The following LRRC69 variants were observed in gnomAD, a reference collection of about 807,000 sequenced individuals.
The protein encoded by LRRC69 is leucine-rich repeat-containing protein 69.
A neutral mutation model predicts 37.8 loss-of-function variants in LRRC69; 42 were observed. That is an observed-to-expected ratio of 1.11 (90% CI 0.87 to 1.44). The LOEUF (loss-of-function observed/expected upper bound fraction) is 1.44, where lower values mean the gene tolerates loss of function less well. Among genes scored for constraint, LRRC69 ranks in the 40% most tolerant of loss-of-function variants. The pLI is 0.00. For synonymous variants in LRRC69, 141 were observed against 143.1 expected (o/e 0.99, Z 0.11); for missense variants, 357 against 401.9 (o/e 0.89, Z 0.96).
chr8:91,141,848 C>A (rs1480884426), intron 5 of LRRC69, among the ~76,000 whole-genome samples: 1 of 151,810 alleles, frequency 6.6e-6, no homozygotes, highest in Non-Finnish European at 1.5e-5. Flanking sequence ...GGAAAGTGAC[C>A]TGTTGCCTTC....
chr8:91,113,823 A>G (rs929789719), intron 1 of LRRC69, among the ~76,000 whole-genome samples: 2 of 151,764 alleles, frequency 1.3e-5, no homozygotes, highest in African/African-American at 4.8e-5. Flanking sequence ...TGTGGTTAAA[A>G]TACAAAATAT....
chr8:91,155,115 C>A (rs572560241), intron 5 of LRRC69, among the ~76,000 whole-genome samples: 1 of 151,336 alleles, frequency 6.6e-6, no homozygotes, highest in East Asian at 1.9e-4. Context: ...GAATGAACTT[C>A]CATTCACAAT....
chr8:91,118,747 C>G (rs191207305), intron 1 of LRRC69, among the ~76,000 whole-genome samples: 2 of 152,184 alleles, frequency 1.3e-5, no homozygotes, highest in African/African-American at 4.8e-5. Context: ...AAATAGTTGT[C>G]TGTCATATGA....
chr8:91,120,946 G>A (rs532316925), intron 1 of LRRC69, among the ~76,000 whole-genome samples: 1 of 151,870 alleles, frequency 6.6e-6, no homozygotes, highest in East Asian at 1.9e-4. Flanking sequence ...GATCTAAAAG[G>A]CTTCTTAATT....
rs550250251 is a variant in LRRC69 at position 91,138,923 on chromosome 8, G to A, written c.651+3184G>A. On this transcript the variant is annotated intron_variant, in intron 5 of 7. Coordinates refer to ENST00000448384, the Ensembl canonical transcript of LRRC69. ...AAACAAACCACCAAAAAAATTAGCT[G>A]GGTTTAGTGGTACACCCTGTGGTCC... The A allele has an allele frequency of 5.9e-5, 9 of 151,786 alleles. No homozygotes were observed. In the East Asian group the frequency reaches 1.7e-3, roughly 30 times the overall value. 9.4% of individuals were successfully genotyped at this position (151,786 alleles called of 1,614,324 possible). A position where few individuals can be genotyped will look rare whatever the true frequency, so the allele number is the denominator to read the frequency against.
chr8:91,147,470 A>G (rs756679293), intron 5 of LRRC69, among the ~76,000 whole-genome samples: 6 of 151,010 alleles, frequency 4.0e-5, no homozygotes, highest in African/African-American at 1.5e-4. Context: ...AGGTCTCACT[A>G]TTTTGCCCAG....
intron 5 of LRRC69, among the ~76,000 whole-genome samples, chr8:91,172,628 G>A (rs1809152833): frequency 6.6e-6 from 1 of 151,876 alleles, no homozygotes; most frequent in African/African-American, 2.4e-5. Context: ...CAATTATCCT[G>A]CCTCAGCCTC....
At chr8:91,183,776 A>G (rs1008771714) in intron 5 of LRRC69, among the ~76,000 whole-genome samples, 2 of 152,136 alleles carry the variant, frequency 1.3e-5, no homozygotes, top group African/African-American at 4.8e-5. Context: ...GTATACTGGA[A>G]GTTGGTGATG....
chr8:91,146,937 G>A (rs572173389), intron 5 of LRRC69, among the ~76,000 whole-genome samples: 7 of 151,614 alleles, frequency 4.6e-5, no homozygotes, highest in Non-Finnish European at 5.9e-5. Flanking sequence ...GTTCTGTAAT[G>A]CATAGGACAG....
intron 5 of LRRC69, among the ~76,000 whole-genome samples, chr8:91,167,783 CAGTG>C (rs2130575961): frequency 6.6e-6 from 1 of 151,948 alleles, no homozygotes; most frequent in Admixed American, 6.6e-5. Flanking sequence ...GTCAGCACAC[CAGTG>C]ATAGTAGCCT....
chr8:91,124,046 C>T (rs1813675475), intron 1 of LRRC69, among the ~76,000 whole-genome samples: 1 of 151,914 alleles, frequency 6.6e-6, no homozygotes, highest in Non-Finnish European at 1.5e-5. Context: ...GGTCTTATGG[C>T]CTAGCTCATT....
At chr8:91,150,028 A>G (rs1238486814) in intron 5 of LRRC69, among the ~76,000 whole-genome samples, 8 of 152,020 alleles carry the variant, frequency 5.3e-5, no homozygotes, top group Non-Finnish European at 7.3e-5. Flanking sequence ...TGTCATCTGC[A>G]AACAGGGACA....
At chr8:91,105,842 T>C (rs972611536) in intron 1 of LRRC69, among the ~76,000 whole-genome samples, 1 of 151,904 alleles carries the variant, frequency 6.6e-6, no homozygotes, top group Admixed American at 6.6e-5. Context: ...AATCCACAAA[T>C]AAGCAATGAG....
intron 1 of LRRC69, among the ~76,000 whole-genome samples, chr8:91,110,155 G>C (rs985676002): frequency 1.3e-5 from 2 of 151,910 alleles, no homozygotes; most frequent in African/African-American, 4.8e-5. Flanking sequence ...TAATAAATGT[G>C]AATATTTACT....
intron 5 of LRRC69, among the ~76,000 whole-genome samples, chr8:91,140,179 A>G (rs184907956): frequency 2.6e-5 from 4 of 151,980 alleles, no homozygotes; most frequent in African/African-American, 4.8e-5. Context: ...AGCGAGAGAA[A>G]GCAAAACTCT....
chr8:91,178,392 A>G lies in LRRC69; in HGVS notation c.652-11130A>G, dbSNP rs137876322. 4.6e-5 allele frequency among the ~76,000 whole-genome samples: 7 copies of G among 152,206 alleles called. No homozygotes were observed. The East Asian group carries it at 9.7e-4, about 21-fold the overall frequency. On this transcript the variant is annotated intron_variant, in intron 5 of 7. Transcript: ENST00000448384. ...CTTGTTCTGAGTTACCTTTTATTCT[A>G]TGTAATTAACTTAGATGACTTTCTT... is the stretch of plus-strand genomic sequence containing the variant.
chr8:91,201,985 C>T (rs1488444168), intron 7 of LRRC69, among the ~76,000 whole-genome samples: 1 of 152,048 alleles, frequency 6.6e-6, no homozygotes, highest in Non-Finnish European at 1.5e-5. Context: ...GTGGGTGGAT[C>T]ACCTGAGGTC....
intron 5 of LRRC69, among the ~76,000 whole-genome samples, chr8:91,175,931 G>A (rs1347057627): frequency 2.6e-5 from 4 of 151,186 alleles, no homozygotes; most frequent in African/African-American, 9.7e-5. Context: ...CTTCTCCAGT[G>A]TAACAATATT....
intron 5 of LRRC69, chr8:91,157,355 T>C (rs1260955457): frequency 1.2e-6 from 2 of 1,608,568 alleles, no homozygotes; most frequent in Admixed American, 1.7e-5. Flanking sequence ...CCCAAAGAAG[T>C]AGGACCCACT....
Sources: allele counts gnomAD v4.1 joint callset (sites outside exome capture counted in the v4.1 genomes callset), GRCh38; gene constraint gnomAD v4.1.1; transcripts MANE v1.5; gene names NCBI Gene and HGNC (gene_info 2026-07-23, HGNC 2026-07-21).